Variants in CWH43 observed in about 807,000 individuals in gnomAD.
The protein encoded by CWH43 is cell wall biogenesis 43 C-terminal homolog.
CWH43 carries 91 observed loss-of-function variants against 85.7 expected under a neutral mutation model. The observed-to-expected ratio is 1.06, with a 90% confidence interval of 0.90 to 1.26. The LOEUF is 1.26. CWH43 is among the 50% of genes most tolerant of loss of function. The pLI, the probability that CWH43 is intolerant of heterozygous loss-of-function variation, is 0.00. For synonymous variants in CWH43, 323 were observed against 293.6 expected (o/e 1.10, Z -1.02); for missense variants, 869 against 839.2 (o/e 1.04, Z -0.44).
intron 9 of CWH43, among the ~76,000 whole-genome samples, chr4:49,020,082 T>C (rs1285798826): frequency 6.6e-6 from 1 of 151,966 alleles, no homozygotes; most frequent in Non-Finnish European, 1.5e-5. Context: ...TTAGTGGTGA[T>C]TTCTGAGATT....
At chr4:48,998,392 C>A in intron 5 of CWH43, 68 bp from the exon 6 acceptor site, 2 of 1,244,928 alleles carry the variant, frequency 1.6e-6, no homozygotes, top group South Asian at 1.2e-5. Flanking sequence ...AGGTATATTT[C>A]TATTTTATAT....
intron 7 of CWH43, among the ~76,000 whole-genome samples, chr4:49,005,694 C>G (rs1032085410): frequency 6.6e-6 from 1 of 151,898 alleles, no homozygotes; most frequent in East Asian, 1.9e-4. Flanking sequence ...GCACACACCA[C>G]CATGCCTGGC....
intron 9 of CWH43, among the ~76,000 whole-genome samples, chr4:49,021,779 T>C (rs1229232182): frequency 6.6e-6 from 1 of 152,204 alleles, no homozygotes; most frequent in Non-Finnish European, 1.5e-5. Flanking sequence ...TGGTTAAGTA[T>C]ATTCCTAAAT....
At chr4:48,998,813 C>G (rs1037822703) in intron 6 of CWH43, among the ~76,000 whole-genome samples, 2 of 152,124 alleles carry the variant, frequency 1.3e-5, no homozygotes, top group Non-Finnish European at 2.9e-5. Flanking sequence ...ATAATACTAC[C>G]TACTCCCAAA....
rs1783060768 is a variant in CWH43 at position 49,003,602 on chromosome 4, TC to T, written c.803-132del. On this transcript the variant is annotated intron_variant, in intron 6 of 15. Transcript: ENST00000226432. The stretch of plus-strand genomic sequence containing the variant: ...GGCAAATCACATTAACCTTGTCAGA[TC>T]TTAGTTTTCTCATCTGTCTGGAGAT... The T allele has an allele frequency of 2.6e-5, 21 of 821,896 alleles. No individual in the cohort carries two copies. In the South Asian group the frequency reaches 3.4e-4, roughly 13 times the overall value. The allele number at this position is 821,896 out of a possible 1,614,324, so 50.9% of individuals were successfully genotyped here.
chr4:48,992,087 A>T lies in CWH43; in HGVS notation c.508A>T (p.Thr170Ser), dbSNP rs1782677418. ...SAIATLDRIG[T>S]DGDCSKPEEK... ...CATAGCCACACTTGATCGTATTGGC[A>T]CAGGTAATACTGTAACTTAGGAATT... is the stretch of plus-strand genomic sequence containing the variant. The change falls in exon 4 of 16, where the codon ACA becomes TCA. Residue 170 changes from threonine to serine, a missense_variant. Thr to Ser is a moderately conservative substitution (Grantham distance 58). Around this residue, in one of 3 missense-constraint regions of CWH43, gnomAD observed 152 missense variants for 203.6 expected, o/e 0.75. Coordinates refer to ENST00000226432, the MANE Select transcript of CWH43 (RefSeq NM_025087.3). The surrounding 1 kb of genome is among the most constrained non-coding windows in gnomAD (Gnocchi z 4.3). 6.2e-7 allele frequency: 1 copy of T among 1,610,138 alleles called. No individual in the cohort carries two copies. The highest frequency in any genetic ancestry group is 8.5e-7 in the Non-Finnish European group (1 of 1,177,322).
At chr4:49,019,088 T>G (rs1783654629) in intron 9 of CWH43, among the ~76,000 whole-genome samples, 1 of 152,232 alleles carries the variant, frequency 6.6e-6, no homozygotes, top group Admixed American at 6.5e-5. Flanking sequence ...TACCAAATGT[T>G]TCTTTATTAC....
At chr4:49,044,886 T>G in intron 14 of CWH43, 39 bp downstream of exon 14, 1 of 1,525,070 alleles carries the variant, frequency 6.6e-7, no homozygotes, top group Non-Finnish European at 9.1e-7. Flanking sequence ...AATCTATTAT[T>G]AATGTGATCT....
rs147589976 is a variant in CWH43 at position 49,033,267 on chromosome 4, A to G, written c.1658+552A>G. Among the ~76,000 whole-genome samples the G allele has an allele frequency of 1.9e-3, 286 of 152,372 alleles. 1 individual carries two copies. Among genetic ancestry groups the G allele is most frequent in the African/African-American group, 5.8e-3 (240 of 41,588 alleles). ...TCTCTTCTCTCCCTCATGTTTTCAC[A>G]AACAACAGATAGGCAGAGGAATCTG... On this transcript the variant is annotated intron_variant, in intron 12 of 15. Coordinates refer to ENST00000226432, the MANE Select transcript of CWH43 (RefSeq NM_025087.3).
rs77901175 is a variant in CWH43 at position 48,988,665 on chromosome 4, A to G, written c.232A>G (p.Ile78Val). 3.2e-3 allele frequency: 5,082 copies of G among 1,585,008 alleles called. 72 individuals are homozygous for G. In the African/African-American group the frequency reaches 0.047, roughly 15 times the overall value. Residue 78 changes from isoleucine to valine, a missense_variant, in exon 2 of 16, where the codon ATT (isoleucine) becomes GTT (valine). By Grantham distance (29) the Ile-to-Val change is conservative (BLOSUM62 3). This residue lies in a region of CWH43 where 140 missense variants were observed against 122.6 expected (regional missense o/e 1.14). Transcript: ENST00000226432. Reference sequence around the variant, plus strand: ...GCTAACCCTGCTGAGGATAATCACTATTGGTAAGATTTAAAAGAGTTTCTT... The same window carrying G: ...GCTAACCCTGCTGAGGATAATCACTGTTGGTAAGATTTAAAAGAGTTTCTT... The part of the protein sequence containing the change: ...WMLTLLRIIT[I>V]GSIASFQAPN...
chr4:49,027,553 T>A (rs1442847177), intron 9 of CWH43, among the ~76,000 whole-genome samples: 2 of 152,148 alleles, frequency 1.3e-5, no homozygotes, highest in African/African-American at 4.8e-5. Context: ...ATTATTTAAA[T>A]TTTTTTGTCA....
chr4:49,045,779 G>T (rs1784604186), intron 14 of CWH43, among the ~76,000 whole-genome samples: 1 of 151,276 alleles, frequency 6.6e-6, no homozygotes, highest in Non-Finnish European at 1.5e-5. Context: ...TTATTGGGGG[G>T]GTACAATGTG....
intron 6 of CWH43, among the ~76,000 whole-genome samples, chr4:48,999,917 G>T (rs564763906): frequency 2.8e-4 from 43 of 152,196 alleles, no homozygotes; most frequent in Admixed American, 1.2e-3. Flanking sequence ...GTTTTGGGCT[G>T]CCCTCTTCCC....
chr4:49,016,758 G>A, intron 8 of CWH43: 1 of 777,708 alleles, frequency 1.3e-6, no homozygotes, highest in Non-Finnish European at 2.4e-6. Context: ...AGCTTCCCTT[G>A]CATCTAGCTT....
rs182202658 is a variant in CWH43, at chr4:49,007,816, G to T, written c.1186+490G>T. On this transcript the variant is annotated intron_variant, in intron 8 of 15. Transcript: ENST00000226432. ...AAAGGACATGAACTCATTTTTTATG[G>T]CTGCCTAGTATTCCATGGTGTATAT... 2.1e-3 allele frequency among the ~76,000 whole-genome samples: 317 copies of T among 152,196 alleles called. 1 individual carries two copies. The highest frequency in any genetic ancestry group is 7.2e-3 in the African/African-American group (301 of 41,522).
At position 49,028,691 on chromosome 4, in the gene CWH43, G is replaced by T. The variant is rs762054859; in HGVS notation, c.1329G>T (p.Gly443=). ...WPFRFGYDNE[G]WSSLERSAHL... ...TCAGGTTTGGATATGACAATGAAGG[G>T]TGGTCTAGTCTAGAAAGATCAGCTC... The change falls in exon 10 of 16, where the codon GGG becomes GGT. Residue 443 remains glycine (G), a synonymous_variant. Transcript: ENST00000226432. 24 of 1,613,754 alleles carry T rather than the reference G, an allele frequency of 1.5e-5. No individual in the cohort carries two copies. The highest frequency in any genetic ancestry group is 2.0e-5 in the Non-Finnish European group (24 of 1,179,804).
At chr4:49,048,326 G>A (rs562956416) in intron 14 of CWH43, among the ~76,000 whole-genome samples, 9 of 150,810 alleles carry the variant, frequency 6.0e-5, no homozygotes, top group Non-Finnish European at 1.3e-4. Flanking sequence ...TACACTCTGT[G>A]TGTATCACTC....
intron 14 of CWH43, among the ~76,000 whole-genome samples, chr4:49,046,371 A>C (rs560909407): frequency 6.6e-6 from 1 of 152,064 alleles, no homozygotes; most frequent in Non-Finnish European, 1.5e-5. Flanking sequence ...AATCCTCTTT[A>C]TGTACTGGGT....
Position 49,032,619 on chromosome 4 carries a change from C to T in CWH43, c.1562C>T (p.Pro521Leu), listed in dbSNP as rs753748742. The change falls in exon 12 of 16, where the codon CCG (proline) becomes CTG (leucine). Residue 521 changes from proline (P) to leucine (L), a missense_variant. Transcript: ENST00000226432. ...PIVKSEHHLL[P>L]SPEGEIAPAI... Reference sequence around the variant, plus strand: ...GTGAAATCTGAGCATCACCTTCTTCCGTCACCAGAGGGCGAGATCGCACCA... The same window carrying T: ...GTGAAATCTGAGCATCACCTTCTTCTGTCACCAGAGGGCGAGATCGCACCA... 14 of 1,613,930 alleles carry T rather than the reference C, an allele frequency of 8.7e-6. No homozygotes were observed. The highest frequency in any genetic ancestry group is 4.0e-5 in the African/African-American group (3 of 74,890).
Sources: allele counts gnomAD v4.1 joint callset (sites outside exome capture counted in the v4.1 genomes callset), GRCh38; gene constraint gnomAD v4.1.1; regional missense constraint gnomAD v4.1.1; non-coding constraint Gnocchi (gnomAD v3.1); transcripts MANE v1.5; gene names NCBI Gene and HGNC (gene_info 2026-07-23, HGNC 2026-07-21).